The following DPP10 variants were observed in gnomAD, a reference collection of about 807,000 sequenced individuals.
DPP10 encodes the protein inactive dipeptidyl peptidase 10.
DPP10 carries 33 observed loss-of-function variants against 120.9 expected under a neutral mutation model. The ratio of observed to expected loss-of-function variants is 0.27; its 90% CI spans 0.21 to 0.37. DPP10 has a LOEUF of 0.37. Ranked by LOEUF, DPP10 falls within the 10% of genes least tolerant of loss-of-function variation. DPP10 has a pLI of 1.00. For missense variants in DPP10, 816 were observed against 942.8 expected, an observed-to-expected ratio of 0.87 and a Z score of 1.76; for synonymous variants, 337 against 326.1, an observed-to-expected ratio of 1.03 and a Z score of -0.36.
At position 114,874,364 on chromosome 2, in the gene DPP10, A is replaced by G. The variant is rs574710844; in HGVS notation, c.60+431526A>G. On this transcript the variant is annotated intron_variant, in intron 1 of 25. Coordinates refer to ENST00000410059, the MANE Select transcript of DPP10 (RefSeq NM_020868.6). ...TTCAAATCCTAATCATCAAGGTCAA[A>G]TAGGTGTGACAAAAGCATCCAAAAG... 2.0e-5 allele frequency among the ~76,000 whole-genome samples: 3 copies of G among 152,266 alleles called. No homozygotes were observed. The East Asian group carries it at 5.8e-4, about 29-fold the overall frequency.
At chr2:115,809,668 C>T (rs1686402630) in intron 19 of DPP10, among the ~76,000 whole-genome samples, 1 of 151,994 alleles carries the variant, frequency 6.6e-6, no homozygotes, top group Admixed American at 6.5e-5. Context: ...CTGTTGTAGG[C>T]CTAGAAAGAG....
intron 1 of DPP10, among the ~76,000 whole-genome samples, chr2:114,685,939 C>T (rs1026108911): frequency 2.6e-5 from 4 of 151,888 alleles, no homozygotes; most frequent in African/African-American, 9.7e-5. Context: ...CCTATTTATC[C>T]CTTGATTTTG....
intron 1 of DPP10, among the ~76,000 whole-genome samples, chr2:114,812,895 A>T (rs945736075): frequency 6.6e-6 from 1 of 152,188 alleles, no homozygotes; most frequent in Non-Finnish European, 1.5e-5. Context: ...ACAAAGAAAT[A>T]TAGGCTTGGC....
At chr2:114,744,382 A>G (rs1678361652) in intron 1 of DPP10, among the ~76,000 whole-genome samples, 2 of 152,244 alleles carry the variant, frequency 1.3e-5, no homozygotes. Flanking sequence ...GCTATTTTCA[A>G]CAATCGAATA....
chr2:115,426,592 C>T (rs985633001), intron 3 of DPP10, among the ~76,000 whole-genome samples: 9 of 144,246 alleles, frequency 6.2e-5, no homozygotes, highest in East Asian at 2.1e-4. Flanking sequence ...CCACCTCTGA[C>T]GCTGGAGATG....
intron 5 of DPP10, among the ~76,000 whole-genome samples, chr2:115,684,462 CTTTCCTCTTACCGGCA>C (rs1314769846): frequency 2.0e-5 from 3 of 152,010 alleles, no homozygotes; most frequent in African/African-American, 7.2e-5. Flanking sequence ...CCTGTATTGT[CTTTCCTCTTACCGGCA>C]TTTTTTAATA....
chr2:115,229,752 A>G (rs995014712), intron 1 of DPP10, among the ~76,000 whole-genome samples: 1 of 136,198 alleles, frequency 7.3e-6, no homozygotes, highest in Non-Finnish European at 1.6e-5. Flanking sequence ...ATTCTATTCT[A>G]TTGGTCTATG....
chr2:114,979,573 A>G (rs1048533816), intron 1 of DPP10, among the ~76,000 whole-genome samples: 3 of 152,020 alleles, frequency 2.0e-5, no homozygotes, highest in African/African-American at 7.2e-5. Context: ...ACGTTTGATA[A>G]TGTGTAAATA....
At chr2:115,258,123 A>C (rs868725542) in intron 1 of DPP10, among the ~76,000 whole-genome samples, 1 of 152,232 alleles carries the variant, frequency 6.6e-6, no homozygotes, top group East Asian at 1.9e-4. Context: ...TCAAGGAAAC[A>C]AACACACTTT....
At chr2:115,415,840 TTTATATATATATATA>T (rs1212828832) in intron 3 of DPP10, among the ~76,000 whole-genome samples, 10 of 83,400 alleles carry the variant, frequency 1.2e-4, no homozygotes, top group African/African-American at 2.5e-4. Flanking sequence ...CTGATTTGCT[TTTATATATATATATA>T]TATATATATA....
At chr2:115,709,782 T>G (rs1467362188) in intron 7 of DPP10, among the ~76,000 whole-genome samples, 3 of 151,698 alleles carry the variant, frequency 2.0e-5, no homozygotes, top group Non-Finnish European at 4.4e-5. Flanking sequence ...AACAGACCCC[T>G]AGGGACCTGT....
intron 1 of DPP10, among the ~76,000 whole-genome samples, chr2:114,481,264 A>G (rs1011995939): frequency 2.6e-5 from 4 of 152,140 alleles, no homozygotes; most frequent in Non-Finnish European, 5.9e-5. Flanking sequence ...GAAGACATAA[A>G]GAAATATTTC....
At chr2:114,948,888 G>A (rs1057265899) in intron 1 of DPP10, among the ~76,000 whole-genome samples, 3 of 152,090 alleles carry the variant, frequency 2.0e-5, no homozygotes, top group African/African-American at 7.2e-5. Context: ...TCACAAGGCA[G>A]CAGAAGAGAG....
chr2:114,843,376 G>A (rs961385015), intron 1 of DPP10, among the ~76,000 whole-genome samples: 3 of 152,070 alleles, frequency 2.0e-5, no homozygotes, highest in Non-Finnish European at 4.4e-5. Context: ...TTTAATTCTG[G>A]TTTGAGTCCC....
chr2:115,077,391 A>C (rs1707894989), intron 1 of DPP10, among the ~76,000 whole-genome samples: 1 of 152,188 alleles, frequency 6.6e-6, no homozygotes, highest in Non-Finnish European at 1.5e-5. Flanking sequence ...GGGATACATA[A>C]AATTCTGCCC....
chr2:115,126,654 T>C (rs1382910259), intron 1 of DPP10, among the ~76,000 whole-genome samples: 1 of 152,198 alleles, frequency 6.6e-6, no homozygotes, highest in Non-Finnish European at 1.5e-5. Flanking sequence ...AACTGTTCTT[T>C]TTGTTCTTGC....
chr2:115,403,160 A>C (rs1472534126), intron 3 of DPP10, among the ~76,000 whole-genome samples: 1 of 151,566 alleles, frequency 6.6e-6, no homozygotes, highest in Non-Finnish European at 1.5e-5. Flanking sequence ...AATGAAAAAA[A>C]ATGAGAAGAT....
At chr2:115,635,632 G>A (rs920141502) in intron 5 of DPP10, among the ~76,000 whole-genome samples, 2 of 152,140 alleles carry the variant, frequency 1.3e-5, no homozygotes, top group African/African-American at 4.8e-5. Context: ...AGTAGTAGCC[G>A]CACCTGTTCC....
At chr2:114,919,170 A>G (rs905028856) in intron 1 of DPP10, among the ~76,000 whole-genome samples, 6 of 152,160 alleles carry the variant, frequency 3.9e-5, no homozygotes, top group Non-Finnish European at 8.8e-5. Context: ...GGATAAAACA[A>G]TAAAATTCTG....
Sources: allele counts gnomAD v4.1 joint callset (sites outside exome capture counted in the v4.1 genomes callset), GRCh38; gene constraint gnomAD v4.1.1; transcripts MANE v1.5; gene names NCBI Gene and HGNC (gene_info 2026-07-23, HGNC 2026-07-21).